Variants in RANBP17 observed in about 807,000 individuals in gnomAD.
RANBP17 encodes RAN binding protein 17.
A neutral mutation model predicts 141.2 loss-of-function variants in RANBP17; 158 were observed. The observed-to-expected ratio is 1.12, with a 90% CI of 0.98 to 1.28. The LOEUF (loss-of-function observed/expected upper bound fraction) is 1.28. Among genes scored for constraint, RANBP17 ranks in the 50% most tolerant of loss-of-function variants. The probability of loss-of-function intolerance (pLI) is 0.00; values close to 1 mark genes in which losing one functional copy is unlikely to be tolerated. For missense variants in RANBP17, 1,438 were observed against 1,290.7 expected (o/e 1.11, Z -1.75); for synonymous variants, 430 against 450.0 (o/e 0.96, Z 0.56).
intron 14 of RANBP17, among the ~76,000 whole-genome samples, chr5:171,133,334 T>TA (rs2127793406): frequency 6.6e-6 from 1 of 152,352 alleles, no homozygotes; most frequent in South Asian, 2.1e-4. Flanking sequence ...CTGATGTGAC[T>TA]ATTATAGTTA....
intron 14 of RANBP17, among the ~76,000 whole-genome samples, chr5:171,044,708 T>A (rs566651462): frequency 3.3e-5 from 5 of 152,266 alleles, no homozygotes; most frequent in Admixed American, 6.5e-5. Context: ...ATTAATTGAC[T>A]GATGGCTAAA....
intron 14 of RANBP17, among the ~76,000 whole-genome samples, chr5:171,101,243 T>C (rs2127743356): frequency 6.6e-6 from 1 of 152,336 alleles, no homozygotes; most frequent in Admixed American, 6.5e-5. Flanking sequence ...AGTCTCTTTT[T>C]AGGCCTTTCA....
chr5:171,031,924 G>A (rs576835351), intron 14 of RANBP17, among the ~76,000 whole-genome samples: 9 of 151,144 alleles, frequency 6.0e-5, no homozygotes, highest in Admixed American at 3.3e-4. Flanking sequence ...GAAAGGTGGC[G>A]TCCACTTTAT....
At chr5:170,980,695 A>G (rs545039854) in intron 14 of RANBP17, among the ~76,000 whole-genome samples, 1 of 152,326 alleles carries the variant, frequency 6.6e-6, no homozygotes, top group South Asian at 2.1e-4. Flanking sequence ...ATGTATAGAA[A>G]TGCTTGGATG....
chr5:171,261,078 C>T (rs1321967172), intron 24 of RANBP17, among the ~76,000 whole-genome samples: 1 of 62,312 alleles, frequency 1.6e-5, no homozygotes, highest in Non-Finnish European at 3.1e-5. Flanking sequence ...TAGCTTCACC[C>T]CCCACCCCCC....
In RANBP17 at chr5:170,943,383, C is replaced by T. The variant is rs537749276; in HGVS notation, c.1469-10214C>T. ...TTTGTGGTGATATGGTCATGGTTTA[C>T]GAAAACAATAATCCGTAAGAAATAG... On this transcript the variant is annotated intron_variant, in intron 12 of 27. Transcript: ENST00000523189. Among the ~76,000 whole-genome samples, 30 of 152,016 alleles carry T rather than the reference C, an allele frequency of 2.0e-4. No individual in the cohort carries two copies. In the South Asian group the frequency reaches 3.5e-3, roughly 18 times the overall value.
chr5:170,883,857 AGG>A (rs1199877339), intron 3 of RANBP17, among the ~76,000 whole-genome samples: 1 of 152,194 alleles, frequency 6.6e-6, no homozygotes, highest in African/African-American at 2.4e-5. Flanking sequence ...CACTTACTGA[AGG>A]GCATCTTGGT....
chr5:170,999,163 G>C (rs1551583), intron 14 of RANBP17, among the ~76,000 whole-genome samples: 92,916 of 151,744 alleles, frequency 0.61, 29,797 homozygotes, highest in South Asian at 0.88. Flanking sequence ...TGCATTAATT[G>C]ATTTTTCACA....
chr5:171,022,070 G>A (rs958810537), intron 14 of RANBP17, among the ~76,000 whole-genome samples: 3 of 151,964 alleles, frequency 2.0e-5, no homozygotes, highest in African/African-American at 7.3e-5. Flanking sequence ...AGGTTTGCTG[G>A]GTTTGCTGGG....
intron 14 of RANBP17, among the ~76,000 whole-genome samples, chr5:171,088,221 T>C (rs1361206509): frequency 5.3e-5 from 8 of 151,906 alleles, no homozygotes; most frequent in Admixed American, 5.2e-4. Flanking sequence ...CCTTCACTTA[T>C]GAAGCTTAGT....
At chr5:171,016,538 T>TTTG (rs1237555526) in intron 14 of RANBP17, among the ~76,000 whole-genome samples, 2 of 152,080 alleles carry the variant, frequency 1.3e-5, no homozygotes, top group Non-Finnish European at 2.9e-5. Flanking sequence ...TATATATATT[T>TTTG]TTGTTGTTGT....
intron 12 of RANBP17, among the ~76,000 whole-genome samples, chr5:170,931,364 C>T (rs1773363310): frequency 1.3e-5 from 2 of 152,176 alleles, no homozygotes; most frequent in East Asian, 1.9e-4. Context: ...CTGTAGGTTG[C>T]CTGTTCACTC....
chr5:170,960,739 A>G lies in RANBP17; in HGVS notation c.1574+7037A>G, dbSNP rs573996519. Among the ~76,000 whole-genome samples, 3 of 152,326 alleles carry G rather than the reference A, an allele frequency of 2.0e-5. No individual in the cohort carries two copies. The East Asian group carries it at 5.8e-4, about 29-fold the overall frequency. On this transcript the variant is annotated intron_variant, in intron 13 of 27. Transcript: ENST00000523189. ...ATTATGTCAATGCTTGGCTTGAACT[A>G]TGCAATGACGTCATTGTTTTTAAGA...
chr5:170,936,633 A>C (rs562235473), intron 12 of RANBP17, among the ~76,000 whole-genome samples: 2 of 152,194 alleles, frequency 1.3e-5, no homozygotes, highest in Admixed American at 1.3e-4. Flanking sequence ...AAGACTTGTC[A>C]TATGACCCAG....
intron 14 of RANBP17, among the ~76,000 whole-genome samples, chr5:171,147,565 G>A (rs547065816): frequency 7.8e-4 from 118 of 151,730 alleles, no homozygotes; most frequent in African/African-American, 2.6e-3. Context: ...ACAGGCACCC[G>A]CCACCAAGCC....
rs931571602 is a variant in RANBP17 at position 171,070,998 on chromosome 5, C to G, written c.1711-99132C>G. 2.0e-5 allele frequency among the ~76,000 whole-genome samples: 3 copies of G among 151,912 alleles called. No individual in the cohort carries two copies. The East Asian group carries it at 5.8e-4, about 29-fold the overall frequency. The stretch of plus-strand genomic sequence containing the variant: ...AACATTCTGGTACATAACTGTTCTG[C>G]AAGTATATGTGCCAGAAATTCCTAG... On this transcript the variant is annotated intron_variant, in intron 14 of 27. Transcript: ENST00000523189.
rs1781251380 is a variant in RANBP17, at chr5:171,026,635, A to G, written c.1710+58258A>G. ...TCTTAGATTACCAAACATCTGTGAA[A>G]TCGTGAAGGAGTATTGAAATTTAGT... On this transcript the variant is annotated intron_variant, in intron 14 of 27. Coordinates refer to ENST00000523189, the MANE Select transcript of RANBP17 (RefSeq NM_022897.5). Among the ~76,000 whole-genome samples, 3 of 152,224 alleles carry G rather than the reference A, an allele frequency of 2.0e-5. No individual in the cohort carries two copies. In the South Asian group the frequency reaches 6.2e-4, roughly 32 times the overall value.
Position 171,016,955 on chromosome 5 carries a change from C to T in RANBP17, c.1710+48578C>T, listed in dbSNP as rs148514609. On this transcript the variant is annotated intron_variant, in intron 14 of 27. Coordinates refer to ENST00000523189, the MANE Select transcript of RANBP17 (RefSeq NM_022897.5). ...CATGTGTTGTTCCCCTCTATGTGTC[C>T]ATGTTTTCTCATTGTTCAACTCCCA... Among the ~76,000 whole-genome samples the T allele has an allele frequency of 3.5e-4, 48 of 137,448 alleles. 1 individual carries two copies. The East Asian group carries it at 0.011, about 32-fold the overall frequency. The allele number at this position is 137,448 out of a possible 152,430, so 90.2% of individuals were successfully genotyped here.
chr5:171,200,972 C>G (rs924686477), intron 19 of RANBP17, among the ~76,000 whole-genome samples: 3 of 152,194 alleles, frequency 2.0e-5, no homozygotes, highest in Non-Finnish European at 4.4e-5. Flanking sequence ...AGATGTCTTC[C>G]AAATATTTTC....
Sources: gnomAD v4.1 joint callset for allele counts (sites outside exome capture counted in the v4.1 genomes callset) on GRCh38, gnomAD v4.1.1 for gene constraint, MANE v1.5 for transcripts, NCBI Gene and HGNC (gene_info 2026-07-23, HGNC 2026-07-21) for gene names.